DPH1: variants seen among roughly 807,000 people sequenced by gnomAD.
DPH1 encodes 2-(3-amino-3-carboxypropyl)histidine synthase subunit 1.
A neutral mutation model predicts 55.3 loss-of-function variants in DPH1; 59 were observed. The ratio of observed to expected loss-of-function variants is 1.07; its 90% CI spans 0.87 to 1.33. DPH1 has a LOEUF of 1.33. DPH1 is among the 40% of genes most tolerant of loss of function. DPH1 has a pLI of 0.00. For synonymous variants in DPH1, 238 were observed against 235.5 expected (o/e 1.01, Z -0.10); for missense variants, 628 against 584.8 (o/e 1.07, Z -0.76).
chr17:2,041,794 T>C lies in DPH1; in HGVS notation c.1254T>C (p.Pro418=). The C allele has an allele frequency of 6.2e-7, 1 of 1,606,430 alleles. No homozygotes were observed. Among genetic ancestry groups the C allele is most frequent in the South Asian group, 1.1e-5 (1 of 90,114 alleles). ...GKVQEGSARP[P]SAVACEDCSC... ...TGCAGGAGGGGTCCGCGCGTCCCCC[T>C]TCGGCCGTGGCTTGCGAGGACTGCA... The change falls in exon 12 of 13, where the codon CCT becomes CCC. Residue 418 remains proline, a synonymous_variant. Transcript: ENST00000263083.
rs908733934 is a variant in DPH1, at chr17:2,033,536, G to C, written c.93G>C (p.Gln31His). The C allele has an allele frequency of 7.4e-6, 12 of 1,614,070 alleles. No individual in the cohort carries two copies. Among genetic ancestry groups the C allele is most frequent in the East Asian group, 4.5e-5 (2 of 44,900 alleles). Residue 31 changes from glutamine (Q) to histidine (H), a missense_variant, in exon 2 of 13, where the codon CAG (glutamine) becomes CAC (histidine). Physicochemically the swap from Gln to His is conservative, Grantham distance 24 (BLOSUM62 0). Coordinates refer to ENST00000263083, the MANE Select transcript of DPH1 (RefSeq NM_001383.6). ...CCCCTCGGGGCCGCGTGGCCAATCA[G>C]ATCCCCCCTGAGATCCTGAAGAACC... The part of the protein sequence containing the change: ...GRAPRGRVAN[Q>H]IPPEILKNPQ...
rs779964465 is a variant in DPH1, at chr17:2,041,219, TG to T, written c.1086+40del. On this transcript the variant is annotated intron_variant, in intron 10 of 12. Transcript: ENST00000263083. ...TCTGGGAGAGAGTGGGCTTTGGACG[TG>T]GTTCTCAAAGGTGAGGTCTGGAGTG... 3.2e-6 allele frequency: 5 copies of T among 1,575,990 alleles called. No individual in the cohort carries two copies. In the South Asian group the frequency reaches 5.8e-5, roughly 18 times the overall value.
rs1247602443 is a variant in DPH1, at chr17:2,041,791, C to T, written c.1251C>T (p.Pro417=). 1.2e-6 allele frequency: 2 copies of T among 1,606,876 alleles called. No individual in the cohort carries two copies. The highest frequency in any genetic ancestry group is 2.2e-5 in the East Asian group (1 of 44,552). Residue 417 remains proline (P), a synonymous_variant, in exon 12 of 13, where the codon CCC becomes CCT. Transcript: ENST00000263083. ...RGKVQEGSAR[P]PSAVACEDCS... is the part of the protein sequence containing the mutation. ...AGGTGCAGGAGGGGTCCGCGCGTCC[C>T]CCTTCGGCCGTGGCTTGCGAGGACT...
At chr17:2,039,652 C>T (rs938997042) in intron 6 of DPH1, 103 bp from the exon 7 acceptor site, 157 of 1,404,762 alleles carry the variant, frequency 1.1e-4, no homozygotes, top group Non-Finnish European at 1.5e-4. Flanking sequence ...GCTGGGATTA[C>T]AGGCGTGAGC....
chr17:2,041,148 A>T lies in DPH1; in HGVS notation c.1053A>T (p.Thr351=), dbSNP rs752651024. The change falls in exon 10 of 13, where the codon ACA becomes ACT. Residue 351 remains threonine, a synonymous_variant. Transcript: ENST00000263083. ...CACGTCTCTCCATTGACTGGGGCAC[A>T]GCCTTCCCCAAGCCGCTGCTGACAC... is the stretch of plus-strand genomic sequence containing the variant. ...ACPRLSIDWG[T]AFPKPLLTPY... 1 of 1,606,038 alleles carries T rather than the reference A, an allele frequency of 6.2e-7. No individual in the cohort carries two copies. Among genetic ancestry groups the T allele is most frequent in the Middle Eastern group, 1.7e-4 (1 of 6,050 alleles).
intron 6 of DPH1, 199 bp downstream of exon 6, chr17:2,037,155 C>T: frequency 4.2e-6 from 3 of 722,356 alleles, no homozygotes; most frequent in Non-Finnish European, 6.3e-6. Context: ...GTCCATCATC[C>T]AGAAGGCTGT....
At position 2,033,808 on chromosome 17, in the gene DPH1, C is replaced by T; in HGVS notation, c.244C>T (p.Leu82Phe). Residue 82 changes from leucine to phenylalanine, a missense_variant, in exon 3 of 13, where the codon CTC becomes TTC. Transcript: ENST00000263083. Reference sequence around the variant, plus strand: ...CTTGCAAATGCCGGAAGGCCTCCTCCTCTTTGCCTGTACCATTGTGGATAT... The same window carrying T: ...CTTGCAAATGCCGGAAGGCCTCCTCTTCTTTGCCTGTACCATTGTGGATAT... ...VALQMPEGLL[L>F]FACTIVDILE... 7 of 1,614,238 alleles carry T rather than the reference C, an allele frequency of 4.3e-6. No homozygotes were observed. The highest frequency in any genetic ancestry group is 1.1e-5 in the South Asian group (1 of 91,086).
At chr17:2,033,465 C>G in intron 1 of DPH1, 40 bp from the exon 2 acceptor site, 2 of 1,613,038 alleles carry the variant, frequency 1.2e-6, no homozygotes, top group Non-Finnish European at 1.7e-6. Context: ...CTGGCTTCAG[C>G]CAAAGACAGA....
intron 8 of DPH1, 24 bp downstream of exon 8, chr17:2,040,398 T>TG: frequency 6.2e-7 from 1 of 1,613,600 alleles, no homozygotes; most frequent in Non-Finnish European, 8.5e-7. Context: ...GGACAGCCTC[T>TG]GGAGGAGGGA....
At chr17:2,035,756 C>A (rs935322954) in intron 3 of DPH1, among the ~76,000 whole-genome samples, 1 of 152,074 alleles carries the variant, frequency 6.6e-6, no homozygotes, top group Admixed American at 6.5e-5. Flanking sequence ...AGGGTCCTCA[C>A]GCAGCAACAG....
In DPH1 at chr17:2,042,616, C is replaced by T; in HGVS notation, c.*30C>T. On this transcript the variant is annotated 3_prime_UTR_variant, in exon 13 of 13. Transcript: ENST00000263083. ...TCATATCGCTGTAGGGTCCTGCCCT[C>T]CGGAGGAGCAGCCTCGAGGCTGGTG... is the stretch of plus-strand genomic sequence containing the variant. 6.6e-7 allele frequency: 1 copy of T among 1,519,684 alleles called. No homozygotes were observed. The allele number at this position is 1,519,684 out of a possible 1,614,324, so 94.1% of individuals were successfully genotyped here. A position where few individuals can be genotyped will look rare whatever the true frequency, so the allele number is the denominator to read the frequency against.
chr17:2,041,561 G>A lies in DPH1; in HGVS notation c.1167G>A (p.Trp389Ter). 1 of 1,612,048 alleles carries A rather than the reference G, an allele frequency of 6.2e-7. No homozygotes were observed. ...ACGCTGGCAGCTCCTTGGGGCCCTGGACGGTGAACCACGGCCAGGACCGCC... is the reference window on the plus strand; with the variant it reads ...ACGCTGGCAGCTCCTTGGGGCCCTGAACGGTGAACCACGGCCAGGACCGCC... ...DFYAGSSLGP[W>*]TVNHGQDRRP... The change falls in exon 11 of 13, where the codon TGG (tryptophan) becomes TGA (stop). Residue 389 changes from tryptophan to a stop codon, truncating the protein, a stop_gained. Coordinates refer to ENST00000263083, the MANE Select transcript of DPH1 (RefSeq NM_001383.6). LOFTEE classifies it high-confidence loss of function.
rs754020337 is a variant in DPH1 at position 2,043,158 on chromosome 17, G to A, written c.*572G>A. 11 of 1,568,600 alleles carry A rather than the reference G, an allele frequency of 7.0e-6. No individual in the cohort carries two copies. Among genetic ancestry groups the A allele is most frequent in the South Asian group, 3.5e-5 (3 of 85,690 alleles). ...TCCAGCTCCTCTAGGGGCAGCCTCC[G>A]TCATCCATGCCCTCCCAGGACCCTC... On this transcript the variant is annotated 3_prime_UTR_variant, in exon 13 of 13. Transcript: ENST00000263083.
In DPH1 at chr17:2,038,547, G is replaced by A. The variant is rs540116253; in HGVS notation, c.681-1208G>A. Reference sequence around the variant, plus strand: ...CTGAGCTCCGCCTCCTGTCAGATCCGCCGCGGCATTAGATTCTTGTAGGAG... The same window carrying A: ...CTGAGCTCCGCCTCCTGTCAGATCCACCGCGGCATTAGATTCTTGTAGGAG... On this transcript the variant is annotated intron_variant, in intron 6 of 12. Transcript: ENST00000263083. Among the ~76,000 whole-genome samples, 7 of 152,258 alleles carry A rather than the reference G, an allele frequency of 4.6e-5. No individual in the cohort carries two copies. In the South Asian group the frequency reaches 1.5e-3, roughly 32 times the overall value.
At chr17:2,041,707 C>T (rs1483276587) in intron 11 of DPH1, 61 bp from the exon 12 acceptor site, 1 of 1,579,902 alleles carries the variant, frequency 6.3e-7, no homozygotes, top group Non-Finnish European at 8.6e-7. Flanking sequence ...CGCACAGGAG[C>T]GGAGCGGAGG....
rs529933360 is a variant in DPH1, at chr17:2,042,178, G to C, written c.*18+303G>C. 1.1e-5 allele frequency: 16 copies of C among 1,451,576 alleles called. No homozygotes were observed. Among genetic ancestry groups the C allele is most frequent in the East Asian group, 1.1e-4 (4 of 37,020 alleles). The allele number at this position is 1,451,576 out of a possible 1,614,324, so 89.9% of individuals were successfully genotyped here. On this transcript the variant is annotated intron_variant, in intron 12 of 12. Coordinates refer to ENST00000263083, the MANE Select transcript of DPH1 (RefSeq NM_001383.6). ...CGCGCCGAGCTCGTGTGCCTCAGCG[G>C]CCCGCACCCGGTCCCCGACCCCCCG...
At position 2,036,753 on chromosome 17, in the gene DPH1, A is replaced by AT; in HGVS notation, c.558+68dup. 2 of 1,608,072 alleles carry AT rather than the reference A, an allele frequency of 1.2e-6. No individual in the cohort carries two copies. Among genetic ancestry groups the AT allele is most frequent in the Non-Finnish European group, 1.7e-6 (2 of 1,176,194 alleles). On this transcript the variant is annotated intron_variant, in intron 5 of 12. Coordinates refer to ENST00000263083, the MANE Select transcript of DPH1 (RefSeq NM_001383.6). This position sits in a 1 kb window ranked among gnomAD's most constrained non-coding sequence, Gnocchi z 4.8. Reference sequence around the variant, plus strand: ...GCGGCCACTCTCCAGCTGTTGCGGGATCCCCAGGTGCTCCAGGCTGTTTCT... The same window carrying AT: ...GCGGCCACTCTCCAGCTGTTGCGGGATTCCCCAGGTGCTCCAGGCTGTTTCT...
chr17:2,042,230 C>A lies in DPH1; in HGVS notation c.*18+355C>A, dbSNP rs890546253. 9 of 1,422,440 alleles carry A rather than the reference C, an allele frequency of 6.3e-6. No individual in the cohort carries two copies. In the African/African-American group the frequency reaches 7.6e-5, roughly 12 times the overall value. 88.1% of individuals were successfully genotyped at this position (1,422,440 alleles called of 1,614,324 possible). A position where few individuals can be genotyped will look rare whatever the true frequency, so the allele number is the denominator to read the frequency against. ...GCCCCGAGGGCGCCAGATCAGACTT[C>A]GGTGAGACAAGCCCCGCTCCGGAAA... is the stretch of plus-strand genomic sequence containing the variant. On this transcript the variant is annotated intron_variant, in intron 12 of 12. Transcript: ENST00000263083.
intron 12 of DPH1, 91 bp from the exon 13 acceptor site, chr17:2,042,510 CTCTG>C: frequency 7.0e-7 from 1 of 1,435,342 alleles, no homozygotes; most frequent in East Asian, 2.5e-5. Context: ...CCCTTTTTCT[CTCTG>C]TCATCTCGAA....
Sources: allele counts gnomAD v4.1 joint callset (sites outside exome capture counted in the v4.1 genomes callset), GRCh38; gene constraint gnomAD v4.1.1; non-coding constraint Gnocchi (gnomAD v3.1); transcripts MANE v1.5; gene names NCBI Gene and HGNC (gene_info 2026-07-23, HGNC 2026-07-21).